Variants in LGALS3BP observed in about 807,000 individuals in gnomAD.
LGALS3BP encodes the protein galectin 3 binding protein.
Under a neutral mutation model 22.9 loss-of-function variants are expected in LGALS3BP, and 25 were observed. The ratio of observed to expected loss-of-function variants is 1.09; its 90% CI spans 0.80 to 1.53. The LOEUF is 1.53. LGALS3BP is among the 40% of genes most tolerant of loss of function. The pLI is 0.00. For missense variants in LGALS3BP, 718 were observed against 752.0 expected (o/e 0.95, Z 0.53); for synonymous variants, 335 against 331.1 (o/e 1.01, Z -0.13).
In LGALS3BP at chr17:78,972,348, C is replaced by A. The variant is rs2070680292; in HGVS notation, c.986G>T (p.Ser329Ile). 2.5e-6 allele frequency: 4 copies of A among 1,613,492 alleles called. No individual in the cohort carries two copies. The South Asian group carries it at 4.4e-5, about 18-fold the overall frequency. Residue 329 changes from serine to isoleucine, a missense_variant, in exon 6 of 6, where the codon AGC becomes ATC. Physicochemically the swap from Ser to Ile is moderately radical, Grantham distance 142 (BLOSUM62 -2). Transcript: ENST00000262776. This position sits in a 1 kb window ranked among gnomAD's most constrained non-coding sequence, Gnocchi z 5.1. ...LALLKAVDTW[S>I]WGERASHEEV... ...CTCATGGGAGGCACGCTCCCCCCAGCTCCAGGTGTCCACGGCCTTCAGTAG... is the reference window on the plus strand; with the variant it reads ...CTCATGGGAGGCACGCTCCCCCCAGATCCAGGTGTCCACGGCCTTCAGTAG...
At chr17:78,975,648 C>G (rs148057749) in intron 3 of LGALS3BP, among the ~76,000 whole-genome samples, 2 of 151,812 alleles carry the variant, frequency 1.3e-5, no homozygotes, top group South Asian at 2.1e-4. Flanking sequence ...AAAAATCAGC[C>G]GGGCATGGTG....
rs1409148196 is a variant in LGALS3BP at position 78,971,971 on chromosome 17, A to G, written c.1363T>C (p.Tyr455His). The G allele has an allele frequency of 1.4e-5, 22 of 1,614,112 alleles. No homozygotes were observed. Among genetic ancestry groups the G allele is most frequent in the Non-Finnish European group, 1.7e-5 (20 of 1,180,014 alleles). Residue 455 changes from tyrosine to histidine, a missense_variant, in exon 6 of 6, where the codon TAC becomes CAC. Tyr to His is a moderately conservative substitution (Grantham distance 83). Transcript: ENST00000262776. This position sits in a 1 kb window ranked among gnomAD's most constrained non-coding sequence, Gnocchi z 5.6. Reference sequence around the variant, plus strand: ...GTCTGGAAGGACTGGTAGGGGTAGTATCTGTAGTCAGAGGGGGCTTGGAAG... The same window carrying G: ...GTCTGGAAGGACTGGTAGGGGTAGTGTCTGTAGTCAGAGGGGGCTTGGAAG... ...DYFQAPSDYR[Y>H]YPYQSFQTPQ...
At position 78,973,102 on chromosome 17, in the gene LGALS3BP, G is replaced by A. The variant is rs780249821; in HGVS notation, c.497C>T (p.Ala166Val). Reference sequence around the variant, plus strand: ...GACCGTGTGGCCACAGAAGCCCAGGGCGTCCTCGCCCTGCACATTCACGCT... The same window carrying A: ...GACCGTGTGGCCACAGAAGCCCAGGACGTCCTCGCCCTGCACATTCACGCT... Reference protein sequence around the residue: ...SISVNVQGEDALGFCGHTVIL... With the variant: ...SISVNVQGEDVLGFCGHTVIL... The change falls in exon 5 of 6, where the codon GCC becomes GTC. Residue 166 changes from alanine to valine, a missense_variant. By Grantham distance (64) the Ala-to-Val change is moderately conservative. Transcript: ENST00000262776. This position sits in a 1 kb window ranked among gnomAD's most constrained non-coding sequence, Gnocchi z 5.8. The A allele has an allele frequency of 6.2e-7, 1 of 1,613,654 alleles. No individual in the cohort carries two copies.
intron 4 of LGALS3BP, 91 bp downstream of exon 4, chr17:78,974,597 A>G: frequency 6.9e-7 from 1 of 1,442,040 alleles, no homozygotes; most frequent in Non-Finnish European, 9.4e-7. Context: ...TGTGTGCTTC[A>G]TGTGCGTGGG....
Position 78,971,403 on chromosome 17 carries a change from C to G in LGALS3BP, c.*173G>C. 1 of 626,792 alleles carries G rather than the reference C, an allele frequency of 1.6e-6. No individual in the cohort carries two copies. The highest frequency in any genetic ancestry group is 2.7e-6 in the Non-Finnish European group (1 of 364,440). 38.8% of individuals were successfully genotyped at this position (626,792 alleles called of 1,614,324 possible). ...AGGTGGTGGGAGAACTCCTGGTGGA[C>G]CCTAGTGGAAGCCTTCCAGTAATTT... On this transcript the variant is annotated 3_prime_UTR_variant, in exon 6 of 6. Transcript: ENST00000262776. This position sits in a 1 kb window ranked among gnomAD's most constrained non-coding sequence, Gnocchi z 5.6.
Position 78,974,784 on chromosome 17 carries a change from T to A in LGALS3BP, c.280A>T (p.Thr94Ser). 6.2e-7 allele frequency: 1 copy of A among 1,613,836 alleles called. No homozygotes were observed. The highest frequency in any genetic ancestry group is 8.5e-7 in the Non-Finnish European group (1 of 1,180,004). Residue 94 changes from threonine to serine, a missense_variant, in exon 4 of 6, where the codon ACG (threonine) becomes TCG (serine). By Grantham distance (58) the Thr-to-Ser change is moderately conservative. Transcript: ENST00000262776. ...TCGGCCAGTGAGGCCTCGGTTCCCG[T>A]GCACTGGACCTCATCCAGCATGATG... is the stretch of plus-strand genomic sequence containing the variant. Reference protein sequence around the residue: ...GPIMLDEVQCTGTEASLADCK... With the variant: ...GPIMLDEVQCSGTEASLADCK...
chr17:78,972,883 G>T lies in LGALS3BP; in HGVS notation c.629+87C>A. Reference sequence around the variant, plus strand: ...ACATGTGCATGCATGAGTATGTGCAGGTGTGTGTGTGGGGGGCTGTGCTTT... The same window carrying T: ...ACATGTGCATGCATGAGTATGTGCATGTGTGTGTGTGGGGGGCTGTGCTTT... On this transcript the variant is annotated intron_variant, in intron 5 of 5. Transcript: ENST00000262776. This position sits in a 1 kb window ranked among gnomAD's most constrained non-coding sequence, Gnocchi z 5.1. 1 of 1,499,068 alleles carries T rather than the reference G, an allele frequency of 6.7e-7. No individual in the cohort carries two copies. The highest frequency in any genetic ancestry group is 9.0e-7 in the Non-Finnish European group (1 of 1,109,920). 92.9% of individuals were successfully genotyped at this position (1,499,068 alleles called of 1,614,324 possible). A position where few individuals can be genotyped will look rare whatever the true frequency, so the allele number is the denominator to read the frequency against.
In LGALS3BP at chr17:78,972,991, G is replaced by C; in HGVS notation, c.608C>G (p.Pro203Arg). 5 of 1,610,300 alleles carry C rather than the reference G, an allele frequency of 3.1e-6. No homozygotes were observed. Among genetic ancestry groups the C allele is most frequent in the Non-Finnish European group, 4.2e-6 (5 of 1,177,138 alleles). Residue 203 changes from proline to arginine, a missense_variant, in exon 5 of 6, where the codon CCC becomes CGC. By Grantham distance (103) the Pro-to-Arg change is moderately radical. Coordinates refer to ENST00000262776, the MANE Select transcript of LGALS3BP (RefSeq NM_005567.4). The surrounding 1 kb of genome is among the most constrained non-coding windows in gnomAD (Gnocchi z 5.1). ...TCACCTGAGAAGGTCCCTGACCATGGGCACACACTCAGCATCCACACTCAT... is the reference window on the plus strand; with the variant it reads ...TCACCTGAGAAGGTCCCTGACCATGCGCACACACTCAGCATCCACACTCAT... ...VTMSVDAECVPMVRDLLRYFY... is the reference protein window; with the variant it reads ...VTMSVDAECVRMVRDLLRYFY...
At chr17:78,975,546 T>C (rs1251117950) in intron 3 of LGALS3BP, among the ~76,000 whole-genome samples, 3 of 152,036 alleles carry the variant, frequency 2.0e-5, no homozygotes, top group Non-Finnish European at 4.4e-5. Context: ...TCCCAGCACT[T>C]TGGGAGGCTG....
In LGALS3BP at chr17:78,972,698, G is replaced by C. The variant is rs753306259; in HGVS notation, c.636C>G (p.Phe212Leu). 6.6e-7 allele frequency: 1 copy of C among 1,516,258 alleles called. No homozygotes were observed. The highest frequency in any genetic ancestry group is 1.4e-5 in the African/African-American group (1 of 71,746). 93.9% of individuals were successfully genotyped at this position (1,516,258 alleles called of 1,614,324 possible). A position where few individuals can be genotyped will look rare whatever the true frequency, so the allele number is the denominator to read the frequency against. The stretch of plus-strand genomic sequence containing the variant: ...GGGTGATGTCAATCCTTCGGGAGTA[G>C]AAGTACCTGGGGAGAAAGAAGGAGA... ...VPMVRDLLRY[F>L]YSRRIDITLS... Residue 212 changes from phenylalanine to leucine, a missense_variant, in exon 6 of 6, where the codon TTC (phenylalanine) becomes TTG (leucine). Coordinates refer to ENST00000262776, the MANE Select transcript of LGALS3BP (RefSeq NM_005567.4). This position sits in a 1 kb window ranked among gnomAD's most constrained non-coding sequence, Gnocchi z 5.1.
At position 78,973,321 on chromosome 17, in the gene LGALS3BP, G is replaced by A. The variant is rs765407430; in HGVS notation, c.377-99C>T. On this transcript the variant is annotated intron_variant, in intron 4 of 5. Transcript: ENST00000262776. The surrounding 1 kb of genome is among the most constrained non-coding windows in gnomAD (Gnocchi z 5.8). ...ATCTGAAAGTGAGGGATTTGTGGCT[G>A]CCTCATTCACTCTGGAAGGCTCCTG... 3 of 1,328,614 alleles carry A rather than the reference G, an allele frequency of 2.3e-6. No individual in the cohort carries two copies. The highest frequency in any genetic ancestry group is 1.5e-5 in the African/African-American group (1 of 67,666). The allele number at this position is 1,328,614 out of a possible 1,614,324, so 82.3% of individuals were successfully genotyped here. A position where few individuals can be genotyped will look rare whatever the true frequency, so the allele number is the denominator to read the frequency against.
At position 78,976,301 on chromosome 17, in the gene LGALS3BP, C is replaced by T; in HGVS notation, c.53-145G>A. The T allele has an allele frequency of 5.8e-6, 4 of 685,724 alleles. No individual in the cohort carries two copies. The highest frequency in any genetic ancestry group is 4.1e-5 in the South Asian group (2 of 48,238). The allele number at this position is 685,724 out of a possible 1,614,324, so 42.5% of individuals were successfully genotyped here. A position where few individuals can be genotyped will look rare whatever the true frequency, so the allele number is the denominator to read the frequency against. ...TCCCCTGGCCTCTCCATGAGGGGCA[C>T]CTCCATGAGGGAGGAGTGGAAGATA... On this transcript the variant is annotated intron_variant, in intron 2 of 5. Coordinates refer to ENST00000262776, the MANE Select transcript of LGALS3BP (RefSeq NM_005567.4). This position sits in a 1 kb window ranked among gnomAD's most constrained non-coding sequence, Gnocchi z 4.6.
Position 78,977,043 on chromosome 17 carries a change from G to C in LGALS3BP, c.52+97C>G, listed in dbSNP as rs779196198. 3 of 1,314,520 alleles carry C rather than the reference G, an allele frequency of 2.3e-6. No homozygotes were observed. In the South Asian group the frequency reaches 3.6e-5, roughly 16 times the overall value. The allele number at this position is 1,314,520 out of a possible 1,614,324, so 81.4% of individuals were successfully genotyped here. A position where few individuals can be genotyped will look rare whatever the true frequency, so the allele number is the denominator to read the frequency against. On this transcript the variant is annotated intron_variant, in intron 2 of 5. Transcript: ENST00000262776. ...GATCTGGCTAACCGCTGGGCCCCGGGCCCCAGGCAGAATATCTCCTTGAAG... is the reference window on the plus strand; with the variant it reads ...GATCTGGCTAACCGCTGGGCCCCGGCCCCCAGGCAGAATATCTCCTTGAAG...
At position 78,976,654 on chromosome 17, in the gene LGALS3BP, C is replaced by T. The variant is rs569467879; in HGVS notation, c.52+486G>A. On this transcript the variant is annotated intron_variant, in intron 2 of 5. Transcript: ENST00000262776. The surrounding 1 kb of genome is among the most constrained non-coding windows in gnomAD (Gnocchi z 4.6). ...GTCCTTCTGGGACTCAGTCCACCAA[C>T]ACTCCAGCCCCTACAGGAGCTGACA... 2.6e-5 allele frequency among the ~76,000 whole-genome samples: 4 copies of T among 152,316 alleles called. No individual in the cohort carries two copies. The highest frequency in any genetic ancestry group is 5.9e-5 in the Non-Finnish European group (4 of 68,022).
Position 78,972,848 on chromosome 17 carries a change from C to CTGCGTGTGTACATGTGCA in LGALS3BP, c.629+104_629+121dup. 7.0e-7 allele frequency: 1 copy of CTGCGTGTGTACATGTGCA among 1,430,900 alleles called. No homozygotes were observed. The highest frequency in any genetic ancestry group is 9.4e-7 in the Non-Finnish European group (1 of 1,061,116). 88.6% of individuals were successfully genotyped at this position (1,430,900 alleles called of 1,614,324 possible). A position where few individuals can be genotyped will look rare whatever the true frequency, so the allele number is the denominator to read the frequency against. On this transcript the variant is annotated intron_variant, in intron 5 of 5. Coordinates refer to ENST00000262776, the MANE Select transcript of LGALS3BP (RefSeq NM_005567.4). The surrounding 1 kb of genome is among the most constrained non-coding windows in gnomAD (Gnocchi z 5.1). ...TGCAACTGCGTGAGTGCATGTGTGA[C>CTGCGTGTGTACATGTGCA]TGCGTGTGTACATGTGCATGCATGA...
In LGALS3BP at chr17:78,971,986, G is replaced by A; in HGVS notation, c.1348C>T (p.Pro450Ser). Residue 450 changes from proline to serine, a missense_variant, in exon 6 of 6, where the codon CCC (proline) becomes TCC (serine). Transcript: ENST00000262776. This position sits in a 1 kb window ranked among gnomAD's most constrained non-coding sequence, Gnocchi z 5.6. ...VKYSSDYFQA[P>S]SDYRYYPYQS... ...TAGGGGTAGTATCTGTAGTCAGAGG[G>A]GGCTTGGAAGTAATCAGAAGAATAT... 6.2e-7 allele frequency: 1 copy of A among 1,614,112 alleles called. No homozygotes were observed. The highest frequency in any genetic ancestry group is 8.5e-7 in the Non-Finnish European group (1 of 1,180,018).
chr17:78,974,524 T>C, intron 4 of LGALS3BP, 164 bp downstream of exon 4: 1 of 716,760 alleles, frequency 1.4e-6, no homozygotes. Context: ...TGGGAGCTGG[T>C]GGGCTCTTGG....
intron 3 of LGALS3BP, 28 bp from the exon 4 acceptor site, chr17:78,974,847 G>T (rs1422548214): frequency 6.2e-7 from 1 of 1,607,952 alleles, no homozygotes; most frequent in Non-Finnish European, 8.5e-7. Context: ...GGCAGGGCTG[G>T]GGGCGTGACG....
Position 78,976,855 on chromosome 17 carries a change from C to CT in LGALS3BP, c.52+284dup. ...AAGGCCACTGACCTCACAACGGCCC[C>CT]TGTGACTGCTGGTTTGATCAGCCCC... On this transcript the variant is annotated intron_variant, in intron 2 of 5. Coordinates refer to ENST00000262776, the MANE Select transcript of LGALS3BP (RefSeq NM_005567.4). This position sits in a 1 kb window ranked among gnomAD's most constrained non-coding sequence, Gnocchi z 4.6. The CT allele has an allele frequency of 2.1e-6, 1 of 472,178 alleles. No individual in the cohort carries two copies. The highest frequency in any genetic ancestry group is 3.8e-6 in the Non-Finnish European group (1 of 261,894). The allele number at this position is 472,178 out of a possible 1,614,324, so 29.2% of individuals were successfully genotyped here. A position where few individuals can be genotyped will look rare whatever the true frequency, so the allele number is the denominator to read the frequency against.
Sources: allele counts gnomAD v4.1 joint callset (sites outside exome capture counted in the v4.1 genomes callset), GRCh38; gene constraint gnomAD v4.1.1; non-coding constraint Gnocchi (gnomAD v3.1); transcripts MANE v1.5; gene names NCBI Gene and HGNC (gene_info 2026-07-23, HGNC 2026-07-21).